KCNQ3: variants seen among roughly 807,000 people sequenced by gnomAD.
KCNQ3 encodes potassium voltage-gated channel subfamily KQT member 3.
In KCNQ3, 30 loss-of-function variants were observed where a neutral mutation model predicts 92.5. The ratio of observed to expected loss-of-function variants is 0.32; its 90% confidence interval spans 0.24 to 0.44. The LOEUF is 0.44. KCNQ3 is among the 20% of genes least tolerant of loss of function. KCNQ3 has a pLI of 1.00. For missense variants in KCNQ3, 913 were observed against 1,140.3 expected (o/e 0.80, Z 2.87); for synonymous variants, 450 against 468.8 (o/e 0.96, Z 0.52).
chr8:132,429,861 CAA>C (rs374921143), intron 1 of KCNQ3, among the ~76,000 whole-genome samples: 57 of 64,068 alleles, frequency 8.9e-4, no homozygotes, highest in East Asian at 5.2e-3. Flanking sequence ...AACTCCTTCT[CAA>C]AAAAAAAAAA....
intron 1 of KCNQ3, among the ~76,000 whole-genome samples, chr8:132,343,728 A>T (rs536308810): frequency 6.6e-6 from 1 of 152,016 alleles, no homozygotes; most frequent in Non-Finnish European, 1.5e-5. Context: ...CTGATTTCCC[A>T]AGCTGGAGGT....
At chr8:132,188,973 G>A (rs1563796442) in intron 1 of KCNQ3, among the ~76,000 whole-genome samples, 2 of 152,186 alleles carry the variant, frequency 1.3e-5, no homozygotes. Flanking sequence ...ACGTGCAGGA[G>A]GTGCAAAAGT....
chr8:132,441,446 C>T (rs182119222), intron 1 of KCNQ3, among the ~76,000 whole-genome samples: 252 of 152,030 alleles, frequency 1.7e-3, no homozygotes, highest in Admixed American at 4.6e-3. Context: ...CCCAGCTACC[C>T]GGGAGGCTGA....
chr8:132,413,597 G>T (rs1335610322), intron 1 of KCNQ3, among the ~76,000 whole-genome samples: 2 of 152,174 alleles, frequency 1.3e-5, no homozygotes, highest in Non-Finnish European at 2.9e-5. Flanking sequence ...TGAAATGATT[G>T]TGAAATGAAT....
chr8:132,361,453 G>T (rs1819169731), intron 1 of KCNQ3, among the ~76,000 whole-genome samples: 1 of 152,128 alleles, frequency 6.6e-6, no homozygotes, highest in African/African-American at 2.4e-5. Context: ...TTTATCATCT[G>T]AATTTCTCAG....
At chr8:132,195,259 C>A (rs1308676301) in intron 1 of KCNQ3, among the ~76,000 whole-genome samples, 1 of 152,200 alleles carries the variant, frequency 6.6e-6, no homozygotes, top group Admixed American at 6.5e-5. Context: ...TAAAAAAGTA[C>A]AAGGAATAAT....
chr8:132,128,501 TTGTGTATGTGTGTGTG>T lies in KCNQ3; in HGVS notation c.*745_*760del, dbSNP rs1242112491. 1 of 116,840 alleles carries T rather than the reference TTGTGTATGTGTGTGTG, an allele frequency of 8.6e-6. No homozygotes were observed. The highest frequency in any genetic ancestry group is 3.2e-5 in the African/African-American group (1 of 31,608). 7.2% of individuals were successfully genotyped at this position (116,840 alleles called of 1,614,324 possible). A position where few individuals can be genotyped will look rare whatever the true frequency, so the allele number is the denominator to read the frequency against. On this transcript the variant is annotated 3_prime_UTR_variant, in exon 15 of 15. Coordinates refer to ENST00000388996, the MANE Select transcript of KCNQ3 (RefSeq NM_004519.4). Reference sequence around the variant, plus strand: ...ACATAAATTGGAAACTATTTTAACTTTGTGTATGTGTGTGTGTGTGTGTGTGTGTGTGTGTGTGTGT... The same window carrying T: ...ACATAAATTGGAAACTATTTTAACTTTGTGTGTGTGTGTGTGTGTGTGTGT...
intron 1 of KCNQ3, among the ~76,000 whole-genome samples, chr8:132,477,527 G>T (rs1273347907): frequency 6.6e-6 from 1 of 152,206 alleles, no homozygotes; most frequent in Non-Finnish European, 1.5e-5. Flanking sequence ...TGACTGGACT[G>T]TCTCCTAAGC....
At chr8:132,390,220 T>C (rs910923150) in intron 1 of KCNQ3, among the ~76,000 whole-genome samples, 1 of 152,152 alleles carries the variant, frequency 6.6e-6, no homozygotes, top group African/African-American at 2.4e-5. Flanking sequence ...AGAAAAAGTA[T>C]AGCATTTAGG....
chr8:132,328,529 C>T (rs876111), intron 1 of KCNQ3, among the ~76,000 whole-genome samples: 65,448 of 151,780 alleles, frequency 0.43, 14,382 homozygotes, highest in Non-Finnish European at 0.48. Context: ...CTTGAGCTGG[C>T]GCAAGTGATT....
In KCNQ3 at chr8:132,147,017, T is replaced by C. The variant is rs375900167; in HGVS notation, c.1263-5686A>G. 2.9e-4 allele frequency among the ~76,000 whole-genome samples: 44 copies of C among 152,216 alleles called. 1 individual carries two copies. The highest frequency in any genetic ancestry group is 1.0e-3 in the African/African-American group (43 of 41,440). On this transcript the variant is annotated intron_variant, in intron 9 of 14. Transcript: ENST00000388996. Reference sequence around the variant, plus strand: ...ACATTTTATGTTATGTGTATCTGACTACAATTTTAAAAAAATTTAAAAAGA... The same window carrying C: ...ACATTTTATGTTATGTGTATCTGACCACAATTTTAAAAAAATTTAAAAAGA...
At chr8:132,334,510 A>T (rs1204878217) in intron 1 of KCNQ3, among the ~76,000 whole-genome samples, 1 of 152,264 alleles carries the variant, frequency 6.6e-6, no homozygotes, top group Non-Finnish European at 1.5e-5. Context: ...AATACAAATA[A>T]TTGGCAAAGA....
chr8:132,267,845 T>C (rs1816037307), intron 1 of KCNQ3, among the ~76,000 whole-genome samples: 1 of 152,218 alleles, frequency 6.6e-6, no homozygotes, highest in South Asian at 2.1e-4. Flanking sequence ...CATATATCCC[T>C]GTCCCCAAAC....
intron 1 of KCNQ3, among the ~76,000 whole-genome samples, chr8:132,361,939 A>G (rs1296891510): frequency 6.6e-6 from 1 of 152,224 alleles, no homozygotes; most frequent in African/African-American, 2.4e-5. Context: ...GGGAAGGAAT[A>G]GTATAAAGCC....
At chr8:132,356,569 A>G (rs1178738317) in intron 1 of KCNQ3, among the ~76,000 whole-genome samples, 1 of 152,178 alleles carries the variant, frequency 6.6e-6, no homozygotes, top group Non-Finnish European at 1.5e-5. Flanking sequence ...GAAACAGAAT[A>G]TCAGGAAGCT....
chr8:132,448,639 A>C (rs1821749770), intron 1 of KCNQ3, among the ~76,000 whole-genome samples: 1 of 152,200 alleles, frequency 6.6e-6, no homozygotes, highest in Admixed American at 6.5e-5. Context: ...ACTAAGCAAA[A>C]GCAATCTCTG....
intron 1 of KCNQ3, among the ~76,000 whole-genome samples, chr8:132,192,296 A>C (rs1002139284): frequency 6.6e-6 from 1 of 152,236 alleles, no homozygotes; most frequent in East Asian, 1.9e-4. Flanking sequence ...TCATTAATTT[A>C]TACAGCTAAA....
intron 1 of KCNQ3, among the ~76,000 whole-genome samples, chr8:132,302,263 A>G (rs1268667547): frequency 2.0e-5 from 3 of 152,230 alleles, no homozygotes; most frequent in Admixed American, 6.5e-5. Flanking sequence ...TATCTGACAC[A>G]AAGTAGTTTA....
chr8:132,286,291 G>A (rs555905799), intron 1 of KCNQ3, among the ~76,000 whole-genome samples: 1 of 152,314 alleles, frequency 6.6e-6, no homozygotes, highest in East Asian at 1.9e-4. Flanking sequence ...AGCTGTAGAG[G>A]AGGAGTTACC....
Sources: gnomAD v4.1 joint callset for allele counts (sites outside exome capture counted in the v4.1 genomes callset) on GRCh38, gnomAD v4.1.1 for gene constraint, MANE v1.5 for transcripts, NCBI Gene and HGNC (gene_info 2026-07-23, HGNC 2026-07-21) for gene names.